Variants in PEDS1 observed in about 807,000 individuals in gnomAD.
PEDS1 encodes the protein CarF homolog.
Under a neutral mutation model 35.2 loss-of-function variants are expected in PEDS1, and 14 were observed. The observed-to-expected ratio is 0.40, with a 90% CI of 0.26 to 0.62. PEDS1 has a LOEUF of 0.62. Among genes scored for constraint, PEDS1 ranks in the 20% least tolerant of loss-of-function variants. The pLI, the probability that PEDS1 is intolerant of heterozygous loss-of-function variation, is 0.44. For missense variants in PEDS1, 260 were observed against 367.8 expected (o/e 0.71, Z 2.40); for synonymous variants, 152 against 152.0 (o/e 1.00, Z 0.00).
At chr20:50,138,071 T>A (rs191786834) in intron 2 of PEDS1, among the ~76,000 whole-genome samples, 4 of 152,284 alleles carry the variant, frequency 2.6e-5, no homozygotes, top group African/African-American at 7.2e-5. Context: ...CCCGCTAATG[T>A]AAGATTTAGG....
chr20:50,124,868 A>G lies in PEDS1; in HGVS notation c.*190T>C, dbSNP rs972666739. The G allele has an allele frequency of 9.3e-6, 7 of 749,136 alleles. No homozygotes were observed. Among genetic ancestry groups the G allele is most frequent in the Non-Finnish European group, 1.2e-5 (6 of 485,084 alleles). 46.4% of individuals were successfully genotyped at this position (749,136 alleles called of 1,614,324 possible). Reference sequence around the variant, plus strand: ...TGGCTGAGGAGGGGCCGAGGAAAAAAAAAAAAAAGAAATGAAAAATCAGTG... The same window carrying G: ...TGGCTGAGGAGGGGCCGAGGAAAAAGAAAAAAAAGAAATGAAAAATCAGTG... On this transcript the variant is annotated 3_prime_UTR_variant, in exon 6 of 6. Coordinates refer to ENST00000371652, the MANE Select transcript of PEDS1 (RefSeq NM_199129.4).
At chr20:50,145,288 G>A (rs1313174019) in intron 1 of PEDS1, among the ~76,000 whole-genome samples, 1 of 152,152 alleles carries the variant, frequency 6.6e-6, no homozygotes, top group East Asian at 1.9e-4. Flanking sequence ...CAAGCACCCT[G>A]GGAAGCTGAG....
intron 2 of PEDS1, among the ~76,000 whole-genome samples, chr20:50,131,360 C>T (rs183127682): frequency 8.2e-4 from 125 of 152,274 alleles, no homozygotes; most frequent in African/African-American, 2.8e-3. Flanking sequence ...GTGGCTCATG[C>T]TTTGTAATCC....
rs2081150260 is a variant in PEDS1 at position 50,129,482 on chromosome 20, C to A, written c.478+64G>T. 2 of 1,604,896 alleles carry A rather than the reference C, an allele frequency of 1.2e-6. No homozygotes were observed. The highest frequency in any genetic ancestry group is 1.7e-6 in the Non-Finnish European group (2 of 1,175,124). ...AGCCAAACACATAAGCCCCAGAAGG[C>A]TCCTGGGGGTCGGCCTCTGCCCCCA... On this transcript the variant is annotated intron_variant, in intron 4 of 5. Transcript: ENST00000371652. The surrounding 1 kb of genome is among the most constrained non-coding windows in gnomAD (Gnocchi z 4.2).
chr20:50,135,421 G>A (rs1338726970), intron 2 of PEDS1, among the ~76,000 whole-genome samples: 1 of 152,038 alleles, frequency 6.6e-6, no homozygotes, highest in East Asian at 1.9e-4. Context: ...CACTCTGGGA[G>A]GCCGAGGCAA....
chr20:50,149,816 A>G (rs1366266917), intron 1 of PEDS1, among the ~76,000 whole-genome samples: 1 of 152,148 alleles, frequency 6.6e-6, no homozygotes, highest in African/African-American at 2.4e-5. Flanking sequence ...TCCATAGTGA[A>G]GAGTAAGAAC....
At chr20:50,152,669 TG>T (rs1341110743) in intron 1 of PEDS1, among the ~76,000 whole-genome samples, 4 of 152,040 alleles carry the variant, frequency 2.6e-5, no homozygotes, top group Non-Finnish European at 4.4e-5. Flanking sequence ...CTCCAACTTA[TG>T]ATCTGGTCTG....
chr20:50,144,839 C>G (rs6020292), intron 1 of PEDS1, among the ~76,000 whole-genome samples: 16 of 152,262 alleles, frequency 1.1e-4, no homozygotes, highest in African/African-American at 3.4e-4. Flanking sequence ...TTAAGACCGG[C>G]TTTTCCCTTA....
chr20:50,139,600 G>T (rs776978640), intron 2 of PEDS1, among the ~76,000 whole-genome samples: 1 of 151,360 alleles, frequency 6.6e-6, no homozygotes, highest in East Asian at 1.9e-4. Context: ...AAACACGGGA[G>T]ACTCAGCCCC....
chr20:50,124,911 C>T lies in PEDS1; in HGVS notation c.*147G>A. 9.6e-7 allele frequency: 1 copy of T among 1,043,216 alleles called. No individual in the cohort carries two copies. Among genetic ancestry groups the T allele is most frequent in the South Asian group, 1.6e-5 (1 of 64,052 alleles). The allele number at this position is 1,043,216 out of a possible 1,614,324, so 64.6% of individuals were successfully genotyped here. On this transcript the variant is annotated 3_prime_UTR_variant, in exon 6 of 6. Transcript: ENST00000371652. ...AATCAGTGGCTCAAGTATTCTGTGT[C>T]ATGAGGGGTGGGCTGGGGTACCTGG...
At position 50,153,265 on chromosome 20, in the gene PEDS1, T is replaced by C. The variant is rs974197320; in HGVS notation, c.121+252A>G. 4.0e-5 allele frequency among the ~76,000 whole-genome samples: 6 copies of C among 151,864 alleles called. No individual in the cohort carries two copies. In the East Asian group the frequency reaches 1.2e-3, roughly 29 times the overall value. On this transcript the variant is annotated intron_variant, in intron 1 of 5. Coordinates refer to ENST00000371652, the MANE Select transcript of PEDS1 (RefSeq NM_199129.4). ...ATCTGCGGGTCCGATGGGAGCTCCG[T>C]TTGTCGCCCAGGGAGCTCATGGTAA... is the stretch of plus-strand genomic sequence containing the variant.
chr20:50,153,683 C>CA lies in PEDS1; in HGVS notation c.-47_-46insT. Reference sequence around the variant, plus strand: ...CGGTGCGCTCTGCTGGCGGCGGCGGCGGCAGGGCCGCGGAACCGCGGCGAG... The same window carrying CA: ...CGGTGCGCTCTGCTGGCGGCGGCGGCAGGCAGGGCCGCGGAACCGCGGCGAG... On this transcript the variant is annotated 5_prime_UTR_variant, in exon 1 of 6. Coordinates refer to ENST00000371652, the MANE Select transcript of PEDS1 (RefSeq NM_199129.4). The CA allele has an allele frequency of 8.3e-7, 1 of 1,201,802 alleles. No homozygotes were observed. The highest frequency in any genetic ancestry group is 1.0e-6 in the Non-Finnish European group (1 of 969,000). 74.4% of individuals were successfully genotyped at this position (1,201,802 alleles called of 1,614,324 possible). A position where few individuals can be genotyped will look rare whatever the true frequency, so the allele number is the denominator to read the frequency against.
intron 1 of PEDS1, among the ~76,000 whole-genome samples, chr20:50,144,329 C>T (rs1293327061): frequency 6.6e-6 from 1 of 152,154 alleles, no homozygotes; most frequent in Non-Finnish European, 1.5e-5. Flanking sequence ...TCCCCTTTTG[C>T]AGGTAACTAT....
At chr20:50,141,040 GACCT>G in intron 2 of PEDS1, among the ~76,000 whole-genome samples, 1 of 152,274 alleles carries the variant, frequency 6.6e-6, no homozygotes, top group East Asian at 1.9e-4. Context: ...GGGAGATAGT[GACCT>G]ACCTGGGACA....
At chr20:50,130,790 G>T (rs773222821) in intron 3 of PEDS1, 66 bp downstream of exon 3, 10 of 1,583,228 alleles carry the variant, frequency 6.3e-6, no homozygotes, top group Non-Finnish European at 8.6e-6. Flanking sequence ...GAGAAGAAAG[G>T]GGACTCACTC....
chr20:50,135,239 G>C (rs1164857990), intron 2 of PEDS1, among the ~76,000 whole-genome samples: 1 of 152,104 alleles, frequency 6.6e-6, no homozygotes, highest in Non-Finnish European at 1.5e-5. Context: ...TGCAGGCCAA[G>C]GCAGTCTCCA....
chr20:50,145,852 CA>C (rs1485120506), intron 1 of PEDS1, among the ~76,000 whole-genome samples: 3 of 152,160 alleles, frequency 2.0e-5, no homozygotes, highest in African/African-American at 7.2e-5. Context: ...TACTACATAT[CA>C]GGCGCCTGCT....
At chr20:50,152,330 A>G (rs886820766) in intron 1 of PEDS1, among the ~76,000 whole-genome samples, 1 of 152,210 alleles carries the variant, frequency 6.6e-6, no homozygotes, top group Non-Finnish European at 1.5e-5. Flanking sequence ...GGCCCACTCC[A>G]GGCAAGGGCT....
Position 50,124,923 on chromosome 20 carries a change from G to A in PEDS1, c.*135C>T. The A allele has an allele frequency of 8.1e-7, 1 of 1,230,830 alleles. No homozygotes were observed. 76.2% of individuals were successfully genotyped at this position (1,230,830 alleles called of 1,614,324 possible). A position where few individuals can be genotyped will look rare whatever the true frequency, so the allele number is the denominator to read the frequency against. ...AAGTATTCTGTGTCATGAGGGGTGGGCTGGGGTACCTGGGCCCAGCCCAGG... is the reference window on the plus strand; with the variant it reads ...AAGTATTCTGTGTCATGAGGGGTGGACTGGGGTACCTGGGCCCAGCCCAGG... On this transcript the variant is annotated 3_prime_UTR_variant, in exon 6 of 6. Coordinates refer to ENST00000371652, the MANE Select transcript of PEDS1 (RefSeq NM_199129.4).
Sources: allele counts gnomAD v4.1 joint callset (sites outside exome capture counted in the v4.1 genomes callset), GRCh38; gene constraint gnomAD v4.1.1; non-coding constraint Gnocchi (gnomAD v3.1); transcripts MANE v1.5; gene names NCBI Gene and HGNC (gene_info 2026-07-23, HGNC 2026-07-21).